MAGEC3: variants seen among roughly 807,000 people sequenced by gnomAD.
MAGEC3 encodes MAGE family member C3, also known as melanoma-associated antigen C3.
In MAGEC3, 34 loss-of-function variants were observed where a neutral mutation model predicts 35.3. The observed-to-expected ratio is 0.96, with a 90% CI of 0.73 to 1.28. MAGEC3 has a LOEUF of 1.28. MAGEC3 is among the 50% of genes most tolerant of loss of function. The pLI, the probability that MAGEC3 is intolerant of heterozygous loss-of-function variation, is 0.00. For missense variants in MAGEC3, 561 were observed against 483.6 expected (o/e 1.16, Z -1.50); for synonymous variants, 202 against 185.6 (o/e 1.09, Z -0.72).
Position 141,857,014 on chromosome X carries a change from C to A in MAGEC3, c.124-8457C>A, listed in dbSNP as rs1014320327. On this transcript the variant is annotated intron_variant, in intron 1 of 7. Transcript: ENST00000298296. ...AGTTCTTTGGAGAATTTCATGAGAG[C>A]CATGGACTCACTTGCCAGAAAAATT... Among the ~76,000 whole-genome samples, 4 of 111,345 alleles carry A rather than the reference C, an allele frequency of 3.6e-5. No homozygotes were observed. The Admixed American group carries it at 3.8e-4, about 11-fold the overall frequency.
rs2018031622 is a variant in MAGEC3 at position 141,890,271 on chromosome X, C to T, written c.910-4998C>T. Reference sequence around the variant, plus strand: ...CCAGGCTGGAGTGTAGTGGTGTGAACTCGGCTCACTGCGAACTCTGCCTCC... The same window carrying T: ...CCAGGCTGGAGTGTAGTGGTGTGAATTCGGCTCACTGCGAACTCTGCCTCC... On this transcript the variant is annotated intron_variant, in intron 4 of 7. Transcript: ENST00000298296. Among the ~76,000 whole-genome samples the T allele has an allele frequency of 2.7e-5, 3 of 111,182 alleles. No individual in the cohort carries two copies. In the Admixed American group the frequency reaches 2.9e-4, roughly 11 times the overall value.
At chrX:141,879,996 A>C (rs1269742199) in intron 3 of MAGEC3, among the ~76,000 whole-genome samples, 1 of 111,574 alleles carries the variant, frequency 9.0e-6, no homozygotes, top group Non-Finnish European at 1.9e-5. Flanking sequence ...GATTCCCAGC[A>C]TGCTCCTCCA....
At chrX:141,895,184 C>A in intron 4 of MAGEC3, 85 bp from the exon 5 acceptor site, 1 of 1,030,405 alleles carries the variant, frequency 9.7e-7, no homozygotes, top group Non-Finnish European at 1.3e-6. Context: ...GGGAAGTGGT[C>A]AGGAAAAGGT....
At chrX:141,885,663 C>CAAAAAAAAAA (rs35973319) in intron 4 of MAGEC3, among the ~76,000 whole-genome samples, 1 of 40,991 alleles carries the variant, frequency 2.4e-5, no homozygotes, top group Admixed American at 4.5e-4. Flanking sequence ...GACTTCGTCT[C>CAAAAAAAAAA]AAAAAAAAAA....
intron 1 of MAGEC3, among the ~76,000 whole-genome samples, chrX:141,853,681 A>C (rs1282543837): frequency 1.8e-5 from 2 of 111,632 alleles, no homozygotes; most frequent in Non-Finnish European, 3.8e-5. Flanking sequence ...TGTTACAGAA[A>C]AAAAGAGAAA....
chrX:141,839,331 C>G (rs769226085), intron 1 of MAGEC3: 1 of 663,269 alleles, frequency 1.5e-6, no homozygotes, highest in Non-Finnish European at 1.8e-6. Flanking sequence ...CAAAATGCCT[C>G]TAGTCTGCCA....
chrX:141,866,000 G>C (rs1426561781), intron 2 of MAGEC3, among the ~76,000 whole-genome samples: 3 of 111,133 alleles, frequency 2.7e-5, no homozygotes, highest in African/African-American at 9.8e-5. Context: ...TCCTTGGTGT[G>C]AGGAAGCCAG....
At chrX:141,893,642 CTGTGTGTGTGTGTG>C (rs770042816) in intron 4 of MAGEC3, among the ~76,000 whole-genome samples, 1 of 85,119 alleles carries the variant, frequency 1.2e-5, no homozygotes, top group East Asian at 3.7e-4. Context: ...ATAGGAGACA[CTGTGTGTGTGTGTG>C]TGTGTGTGTG....
At chrX:141,884,397 T>G (rs1274035593) in intron 4 of MAGEC3, among the ~76,000 whole-genome samples, 1 of 111,831 alleles carries the variant, frequency 8.9e-6, no homozygotes, top group East Asian at 2.8e-4. Context: ...CTGGCTTCCT[T>G]GCTCCTCAGC....
intron 1 of MAGEC3, among the ~76,000 whole-genome samples, chrX:141,851,808 TTG>T (rs1367055643): frequency 2.7e-5 from 3 of 111,706 alleles, no homozygotes; most frequent in Non-Finnish European, 3.8e-5. Flanking sequence ...ATGTCTATAC[TTG>T]TGTCAGTATC....
At chrX:141,838,949 G>C in intron 1 of MAGEC3, 1 of 590,447 alleles carries the variant, frequency 1.7e-6, no homozygotes, top group Non-Finnish European at 2.0e-6. Flanking sequence ...AGCTGCTTAA[G>C]TCTCAAGAAG....
At chrX:141,879,109 G>A (rs73577987) in intron 2 of MAGEC3, 66 bp from the exon 3 acceptor site, 109,107 of 1,109,680 alleles carry the variant, frequency 0.098, 6,330 homozygotes, top group East Asian at 0.36. Flanking sequence ...ACAGCCTCTC[G>A]GGAAGGCAGG....
chrX:141,877,349 A>C (rs1432487678), intron 2 of MAGEC3, among the ~76,000 whole-genome samples: 1 of 111,659 alleles, frequency 9.0e-6, no homozygotes, highest in Non-Finnish European at 1.9e-5. Flanking sequence ...TTCCTAAGAT[A>C]CTTGATATTT....
chrX:141,885,371 A>T (rs773779665), intron 4 of MAGEC3, among the ~76,000 whole-genome samples: 1 of 110,285 alleles, frequency 9.1e-6, no homozygotes, highest in East Asian at 2.9e-4. Flanking sequence ...TTGGGGAGTT[A>T]AAAAAGGTTC....
chrX:141,888,147 G>A (rs768167217), intron 4 of MAGEC3, among the ~76,000 whole-genome samples: 54 of 112,133 alleles, frequency 4.8e-4, no homozygotes, highest in Non-Finnish European at 8.4e-4. Flanking sequence ...CTGCCACCCT[G>A]CCTTCTCTCC....
intron 5 of MAGEC3, 21 bp downstream of exon 5, chrX:141,895,428 C>T (rs759758714): frequency 1.4e-5 from 17 of 1,208,412 alleles, no homozygotes; most frequent in Non-Finnish European, 1.8e-5. Context: ...TAAGGGAGAA[C>T]TGAGGGACTT....
At chrX:141,848,379 C>G (rs745898323) in intron 1 of MAGEC3, among the ~76,000 whole-genome samples, 24 of 110,520 alleles carry the variant, frequency 2.2e-4, no homozygotes, top group Non-Finnish European at 3.6e-4. Context: ...ATAGGAAACC[C>G]TGAAGACTCC....
chrX:141,893,716 G>A (rs926637880), intron 4 of MAGEC3, among the ~76,000 whole-genome samples: 1 of 52,631 alleles, frequency 1.9e-5, no homozygotes, highest in African/African-American at 7.3e-5. Flanking sequence ...GCAGGAATTG[G>A]GGGGGGGGGC....
At chrX:141,853,097 A>G (rs2124089727) in intron 1 of MAGEC3, among the ~76,000 whole-genome samples, 1 of 111,367 alleles carries the variant, frequency 9.0e-6, no homozygotes, top group East Asian at 2.8e-4. Context: ...TTACAGGTCT[A>G]TTCAGATTTC....
Sources: allele counts gnomAD v4.1 joint callset (sites outside exome capture counted in the v4.1 genomes callset), GRCh38; gene constraint gnomAD v4.1.1; transcripts MANE v1.5; gene names NCBI Gene and HGNC (gene_info 2026-07-23, HGNC 2026-07-21).